MTDH: variants seen among roughly 807,000 people sequenced by gnomAD.
The protein encoded by MTDH is metadherin.
A neutral mutation model predicts 72.7 loss-of-function variants in MTDH; 34 were observed. The observed-to-expected ratio is 0.47, with a 90% CI of 0.36 to 0.62. The LOEUF (loss-of-function observed/expected upper bound fraction) is 0.62, where lower values mean the gene tolerates loss of function less well. Ranked by LOEUF, MTDH falls within the 20% of genes least tolerant of loss-of-function variation. The pLI is 0.00. For missense variants in MTDH, 677 were observed against 699.4 expected, an observed-to-expected ratio of 0.97 and a Z score of 0.36; for synonymous variants, 266 against 268.9, an observed-to-expected ratio of 0.99 and a Z score of 0.10.
chr8:97,667,107 C>T (rs1395608848), intron 2 of MTDH, among the ~76,000 whole-genome samples: 1 of 152,232 alleles, frequency 6.6e-6, no homozygotes, highest in Admixed American at 6.5e-5. Flanking sequence ...CCTTCTACCT[C>T]AGCCTCCCAA....
At chr8:97,721,220 T>C (rs753161791) in intron 10 of MTDH, among the ~76,000 whole-genome samples, 4 of 151,944 alleles carry the variant, frequency 2.6e-5, no homozygotes, top group Non-Finnish European at 4.4e-5. Context: ...GATGGGTAGA[T>C]CACTTGAGCT....
intron 3 of MTDH, among the ~76,000 whole-genome samples, chr8:97,687,114 A>G (rs967256345): frequency 5.9e-5 from 9 of 152,164 alleles, no homozygotes; most frequent in African/African-American, 1.9e-4. Flanking sequence ...GTGATTATAT[A>G]TAATACTCCT....
chr8:97,724,576 CG>C, intron 11 of MTDH, 23 bp from the exon 12 acceptor site: 1 of 1,543,492 alleles, frequency 6.5e-7, no homozygotes, highest in Non-Finnish European at 8.7e-7. Context: ...TTTTTTTCTT[CG>C]TTTTCCCCCT....
At chr8:97,657,151 C>T (rs1812010630) in intron 1 of MTDH, among the ~76,000 whole-genome samples, 1 of 152,016 alleles carries the variant, frequency 6.6e-6, no homozygotes, top group Non-Finnish European at 1.5e-5. Context: ...TTTGTGCATG[C>T]ATTTTAAAAA....
intron 1 of MTDH, among the ~76,000 whole-genome samples, chr8:97,650,377 C>A (rs561352344): frequency 6.8e-6 from 1 of 147,158 alleles, no homozygotes; most frequent in Non-Finnish European, 1.5e-5. Context: ...CAGGCTCAAG[C>A]GACTCTCCCA....
At position 97,644,269 on chromosome 8, in the gene MTDH, C is replaced by T. The variant is rs904563770; in HGVS notation, c.-238C>T. ...CTTAGCGGCCGCCACTGGAGACACT[C>T]CCTCCCGCCTCCCGGGTCTCCTGGC... On this transcript the variant is annotated 5_prime_UTR_variant, in exon 1 of 12. Transcript: ENST00000336273. 14 of 542,640 alleles carry T rather than the reference C, an allele frequency of 2.6e-5. No homozygotes were observed. The highest frequency in any genetic ancestry group is 3.5e-5 in the Non-Finnish European group (11 of 318,406). 33.6% of individuals were successfully genotyped at this position (542,640 alleles called of 1,614,324 possible). A position where few individuals can be genotyped will look rare whatever the true frequency, so the allele number is the denominator to read the frequency against.
intron 1 of MTDH, among the ~76,000 whole-genome samples, chr8:97,646,682 G>A (rs928536333): frequency 1.3e-5 from 2 of 152,174 alleles, no homozygotes; most frequent in African/African-American, 2.4e-5. Flanking sequence ...ATACATTACT[G>A]TGAAAAATGC....
At chr8:97,689,708 T>C (rs1563548089) in intron 5 of MTDH, among the ~76,000 whole-genome samples, 1 of 146,676 alleles carries the variant, frequency 6.8e-6, no homozygotes, top group Non-Finnish European at 1.5e-5. Flanking sequence ...TTCAGGCCTT[T>C]TTTTTTTTTT....
At chr8:97,695,734 C>A (rs1186921588) in intron 6 of MTDH, among the ~76,000 whole-genome samples, 1 of 152,158 alleles carries the variant, frequency 6.6e-6, no homozygotes, top group Non-Finnish European at 1.5e-5. Context: ...AATCTCTATT[C>A]TTCTACATGA....
chr8:97,713,406 A>G (rs538644904), intron 8 of MTDH, among the ~76,000 whole-genome samples: 1 of 152,318 alleles, frequency 6.6e-6, no homozygotes. Flanking sequence ...TTAAAACACT[A>G]AAGTTTACAC....
intron 1 of MTDH, among the ~76,000 whole-genome samples, chr8:97,654,150 A>T (rs1811877173): frequency 6.6e-6 from 1 of 152,190 alleles, no homozygotes; most frequent in Non-Finnish European, 1.5e-5. Flanking sequence ...CACTAAAGGA[A>T]ATATCTCAGT....
At chr8:97,685,339 TAA>T (rs1046101692) in intron 2 of MTDH, among the ~76,000 whole-genome samples, 2 of 152,090 alleles carry the variant, frequency 1.3e-5, no homozygotes, top group Non-Finnish European at 2.9e-5. Context: ...ATGAGGTCAG[TAA>T]AAAAAATTTA....
In MTDH at chr8:97,726,015, C is replaced by G. The variant is rs114216863; in HGVS notation, c.*1345C>G. On this transcript the variant is annotated 3_prime_UTR_variant, in exon 12 of 12. Transcript: ENST00000336273. Reference sequence around the variant, plus strand: ...GCTTGTTTTTATGTGGCGCCAAGAACGAACCTGTTTAACAGCTGTAACCAA... The same window carrying G: ...GCTTGTTTTTATGTGGCGCCAAGAAGGAACCTGTTTAACAGCTGTAACCAA... 6.6e-6 allele frequency: 1 copy of G among 152,626 alleles called. No individual in the cohort carries two copies. The highest frequency in any genetic ancestry group is 1.5e-5 in the Non-Finnish European group (1 of 68,044). 9.5% of individuals were successfully genotyped at this position (152,626 alleles called of 1,614,324 possible).
intron 6 of MTDH, among the ~76,000 whole-genome samples, chr8:97,699,288 G>A (rs534757126): frequency 9.2e-5 from 14 of 151,670 alleles, no homozygotes; most frequent in South Asian, 2.1e-4. Flanking sequence ...ACTCTGTCTC[G>A]AAAAAAGAAA....
At chr8:97,686,128 G>C (rs1340379722) in intron 2 of MTDH, among the ~76,000 whole-genome samples, 1 of 152,050 alleles carries the variant, frequency 6.6e-6, no homozygotes. Context: ...TTATACATAG[G>C]ATACAGCAAC....
intron 5 of MTDH, among the ~76,000 whole-genome samples, chr8:97,689,993 G>A (rs537000992): frequency 1.6e-5 from 2 of 126,390 alleles, no homozygotes; most frequent in East Asian, 5.4e-4. Flanking sequence ...ACAGGCATCA[G>A]GCTTTTTTTT....
At chr8:97,684,121 G>A (rs1488140628) in intron 2 of MTDH, among the ~76,000 whole-genome samples, 1 of 137,236 alleles carries the variant, frequency 7.3e-6, no homozygotes, top group African/African-American at 2.6e-5. Context: ...TGGGCAACAA[G>A]AGTGAAAAAC....
At chr8:97,708,209 C>T (rs557378731) in intron 8 of MTDH, among the ~76,000 whole-genome samples, 29 of 150,328 alleles carry the variant, frequency 1.9e-4, no homozygotes, top group South Asian at 6.3e-4. Context: ...AAGTGATCCA[C>T]CTGCCTCAGC....
chr8:97,713,847 A>C, intron 9 of MTDH, 78 bp downstream of exon 9: 4 of 737,790 alleles, frequency 5.4e-6, no homozygotes, highest in Non-Finnish European at 8.3e-6. Context: ...GATGTTAAAA[A>C]TACATAGAGA....
Sources: allele counts gnomAD v4.1 joint callset (sites outside exome capture counted in the v4.1 genomes callset), GRCh38; gene constraint gnomAD v4.1.1; transcripts MANE v1.5; gene names NCBI Gene and HGNC (gene_info 2026-07-23, HGNC 2026-07-21).